THPO: variants seen among roughly 807,000 people sequenced by gnomAD.
THPO encodes the protein MPL ligand.
Under a neutral mutation model 17.0 loss-of-function variants are expected in THPO, and 12 were observed. The ratio of observed to expected loss-of-function variants is 0.71; its 90% CI spans 0.45 to 1.14. The LOEUF (loss-of-function observed/expected upper bound fraction) is 1.14. Ranked by LOEUF, THPO falls within the 50% of genes most tolerant of loss-of-function variation. The pLI is 0.00. For synonymous variants in THPO, 188 were observed against 183.0 expected (o/e 1.03, Z -0.22); for missense variants, 365 against 427.5 (o/e 0.85, Z 1.29).
At chr3:184,377,498 C>T (rs914659883) in intron 1 of THPO, among the ~76,000 whole-genome samples, 13 of 152,196 alleles carry the variant, frequency 8.5e-5, no homozygotes, top group Admixed American at 6.5e-4. Context: ...ACCTGCCTCC[C>T]TGCCCCCTTG....
chr3:184,374,509 G>T (rs1367219211), intron 4 of THPO, among the ~76,000 whole-genome samples: 1 of 152,210 alleles, frequency 6.6e-6, no homozygotes, highest in Non-Finnish European at 1.5e-5. Context: ...GTCTTCAGGG[G>T]GATGTCCGGT....
At chr3:184,379,479 A>G (rs889894628), upstream of THPO, among the ~76,000 whole-genome samples, 28 of 151,886 alleles carry the variant, frequency 1.8e-4, no homozygotes, top group Admixed American at 6.5e-5. Context: ...GTAACACAAG[A>G]ATGAGGAGCG....
chr3:184,377,803 T>C (rs887535719), intron 1 of THPO, among the ~76,000 whole-genome samples: 1 of 152,166 alleles, frequency 6.6e-6, no homozygotes, highest in African/African-American at 2.4e-5. Context: ...CTCCCTCTCT[T>C]ATTTTCTCCC....
Position 184,375,950 on chromosome 3 carries a change from C to CAGGAGG in THPO, c.73_78dup (p.Pro25_Pro26dup). Reference sequence around the variant, plus strand: ...TTACTGAGGACTCGGAGGTCACAAGCAGGAGGAGCCGGGCTGGACAGCGTT... The same window carrying CAGGAGG: ...TTACTGAGGACTCGGAGGTCACAAGCAGGAGGAGGAGGAGCCGGGCTGGACAGCGTT... On this transcript the variant is annotated inframe_insertion, in exon 3 of 6. Transcript: ENST00000647395. 1 of 1,613,826 alleles carries CAGGAGG rather than the reference C, an allele frequency of 6.2e-7. No homozygotes were observed. Among genetic ancestry groups the CAGGAGG allele is most frequent in the South Asian group, 1.1e-5 (1 of 91,072 alleles).
At chr3:184,378,837 G>A (rs754587776), upstream of THPO, 137 of 985,234 alleles carry the variant, frequency 1.4e-4, no homozygotes, top group Non-Finnish European at 1.6e-4. Flanking sequence ...TCCTTTGCTT[G>A]TTCTGTCTCC....
chr3:184,376,435 C>A, intron 1 of THPO, 31 bp from the exon 2 acceptor site: 1 of 1,510,984 alleles, frequency 6.6e-7, no homozygotes, highest in Non-Finnish European at 8.8e-7. Flanking sequence ...GAACATTTAA[C>A]CAAGTTTCTA....
intron 4 of THPO, among the ~76,000 whole-genome samples, 166 bp downstream of exon 4, chr3:184,375,349 T>C (rs1033049669): frequency 1.3e-5 from 2 of 152,228 alleles, no homozygotes; most frequent in Non-Finnish European, 2.9e-5. Context: ...CAAGCCATCA[T>C]CTTATCCACA....
intron 5 of THPO, 76 bp from the exon 6 acceptor site, chr3:184,373,254 A>G: frequency 6.3e-7 from 1 of 1,591,916 alleles, no homozygotes. Flanking sequence ...TAGGAAAGAC[A>G]GGATGCCAGT....
intron 4 of THPO, 58 bp downstream of exon 4, chr3:184,375,457 G>A (rs1714306511): frequency 6.6e-7 from 1 of 1,523,484 alleles, no homozygotes; most frequent in Non-Finnish European, 9.1e-7. Context: ...TCCATGGGAA[G>A]CAGTGGGAAA....
intron 5 of THPO, 69 bp downstream of exon 5, chr3:184,373,346 C>T (rs745891995): frequency 6.3e-7 from 1 of 1,598,208 alleles, no homozygotes; most frequent in Admixed American, 1.7e-5. Context: ...GCCCTTCTTC[C>T]CTCAGGTCTT....
rs1345886296 is a variant in THPO at position 184,372,548 on chromosome 3, A to G, written c.1027T>C (p.Tyr343His). The G allele has an allele frequency of 1.9e-6, 3 of 1,613,994 alleles. No homozygotes were observed. Among genetic ancestry groups the G allele is most frequent in the Admixed American group, 1.7e-5 (1 of 60,000 alleles). ...TGAGACAGATTCTGGGAGTGGGTGT[A>G]GGATGTGTTTAGAAGAGGGCTGGTA... ...TPTSPLLNTS[Y>H]THSQNLSQEG Residue 343 changes from tyrosine (Y) to histidine (H), a missense_variant, in exon 6 of 6, where the codon TAC becomes CAC. By Grantham distance (83) the Tyr-to-His change is moderately conservative. Coordinates refer to ENST00000647395, the MANE Select transcript of THPO (RefSeq NM_000460.4).
intron 4 of THPO, among the ~76,000 whole-genome samples, 153 bp downstream of exon 4, chr3:184,375,362 C>T (rs553710403): frequency 1.3e-5 from 2 of 152,312 alleles, no homozygotes; most frequent in African/African-American, 4.8e-5. Flanking sequence ...TATCCACAGG[C>T]TATCATCATA....
Position 184,375,879 on chromosome 3 carries a change from A to G in THPO, c.141+9T>C. 1 of 1,612,938 alleles carries G rather than the reference A, an allele frequency of 6.2e-7. No homozygotes were observed. The highest frequency in any genetic ancestry group is 8.5e-7 in the Non-Finnish European group (1 of 1,179,844). On this transcript the variant is annotated intron_variant, in intron 3 of 5. Transcript: ENST00000647395. ...CGCGGATAAAGGGGATAATGTTGGG[A>G]GTTCTCACCAGTCTGCTGTGAAGGA... is the stretch of plus-strand genomic sequence containing the variant.
intron 4 of THPO, among the ~76,000 whole-genome samples, chr3:184,374,418 C>T (rs925388128): frequency 2.0e-5 from 3 of 152,154 alleles, no homozygotes; most frequent in Non-Finnish European, 2.9e-5. Context: ...ATAAAACATG[C>T]TTCTAGTCTC....
Position 184,373,108 on chromosome 3 carries a change from A to G in THPO, c.467T>C (p.Leu156Pro). ...CATCAGGAAACGCACCTTTCCTCGG[A>G]GCAGGTGTTGGAAGCTCAGGAAGAT... ...NAIFLSFQHLLRGKVRFLMLV... is the reference protein window; with the variant it reads ...NAIFLSFQHLPRGKVRFLMLV... Residue 156 changes from leucine (L) to proline (P), a missense_variant, in exon 6 of 6, where the codon CTC becomes CCC. Coordinates refer to ENST00000647395, the MANE Select transcript of THPO (RefSeq NM_000460.4). The G allele has an allele frequency of 1.2e-6, 2 of 1,613,784 alleles. No individual in the cohort carries two copies. The highest frequency in any genetic ancestry group is 1.7e-6 in the Non-Finnish European group (2 of 1,180,008).
At chr3:184,377,480 T>C (rs775998256) in intron 1 of THPO, among the ~76,000 whole-genome samples, 1 of 152,190 alleles carries the variant, frequency 6.6e-6, no homozygotes, top group Non-Finnish European at 1.5e-5. Flanking sequence ...ATCTGTCTCA[T>C]AGCTCACACC....
At chr3:184,378,765 C>T (rs1357500961), upstream of THPO, 1 of 982,674 alleles carries the variant, frequency 1.0e-6, no homozygotes, top group Non-Finnish European at 1.2e-6. Flanking sequence ...AGCTTAGGTG[C>T]TCGTCTGCTG....
intron 5 of THPO, 72 bp downstream of exon 5, chr3:184,373,343 T>C (rs777692860): frequency 2.5e-6 from 4 of 1,595,250 alleles, no homozygotes; most frequent in Non-Finnish European, 3.4e-6. Flanking sequence ...AGAGCCCTTC[T>C]TCCCTCAGGT....
In THPO at chr3:184,373,429, G is replaced by C. The variant is rs934423355; in HGVS notation, c.382C>G (p.Leu128Val). Reference protein sequence around the residue: ...VRLLLGALQSLLGTQLPPQGR... With the variant: ...VRLLLGALQSVLGTQLPPQGR... ...TGGGGACTTACCTGGGTTCCAAGGA[G>C]GCTCTGCAGGGCCCCAAGGAGGAGA... Residue 128 changes from leucine (L) to valine (V), a missense_variant, in exon 5 of 6, where the codon CTC becomes GTC. Leu to Val is a conservative substitution (Grantham distance 32). Transcript: ENST00000647395. 1 of 1,614,046 alleles carries C rather than the reference G, an allele frequency of 6.2e-7. No homozygotes were observed. The highest frequency in any genetic ancestry group is 1.3e-5 in the African/African-American group (1 of 75,006).
Sources: allele counts gnomAD v4.1 joint callset (sites outside exome capture counted in the v4.1 genomes callset), GRCh38; gene constraint gnomAD v4.1.1; transcripts MANE v1.5; gene names NCBI Gene and HGNC (gene_info 2026-07-23, HGNC 2026-07-21).